The following UGT2B7 variants were observed in gnomAD, a reference collection of about 807,000 sequenced individuals.
The protein encoded by UGT2B7 is UDP-glucuronosyltransferase 2B7.
A neutral mutation model predicts 51.9 loss-of-function variants in UGT2B7; 51 were observed. The observed-to-expected ratio is 0.98, with a 90% CI of 0.78 to 1.24. UGT2B7 has a LOEUF of 1.24. UGT2B7 is among the 50% of genes most tolerant of loss of function. The probability of loss-of-function intolerance (pLI) is 0.00; values close to 1 mark genes in which losing one functional copy is unlikely to be tolerated. For synonymous variants in UGT2B7, 225 were observed against 211.6 expected, an observed-to-expected ratio of 1.06 and a Z score of -0.55; for missense variants, 727 against 628.4, an observed-to-expected ratio of 1.16 and a Z score of -1.68.
intron 1 of UGT2B7, among the ~76,000 whole-genome samples, chr4:69,085,175 G>T (rs1718922963): frequency 6.6e-6 from 1 of 152,152 alleles, no homozygotes; most frequent in South Asian, 2.1e-4. Context: ...ACTGGTGGGA[G>T]ATGGTATCTC....
chr4:69,087,356 C>T (rs1718984338), intron 1 of UGT2B7, among the ~76,000 whole-genome samples: 2 of 151,890 alleles, frequency 1.3e-5, no homozygotes, highest in Non-Finnish European at 2.9e-5. Context: ...CACATATTGA[C>T]TTTTTCATGT....
intron 1 of UGT2B7, among the ~76,000 whole-genome samples, chr4:69,085,449 G>A (rs1718929221): frequency 6.6e-6 from 1 of 152,034 alleles, no homozygotes; most frequent in East Asian, 1.9e-4. Flanking sequence ...ATTTTACTCA[G>A]CAGAAGCTCT....
chr4:69,060,375 G>A (rs1460590095), intron 1 of UGT2B7, among the ~76,000 whole-genome samples: 4 of 152,156 alleles, frequency 2.6e-5, no homozygotes, highest in Non-Finnish European at 5.9e-5. Flanking sequence ...GCAGGGTCCT[G>A]CTGCATCTGG....
chr4:69,094,071 G>A (rs180682704), upstream of UGT2B7, among the ~76,000 whole-genome samples: 1 of 150,172 alleles, frequency 6.7e-6, no homozygotes, highest in Admixed American at 6.6e-5. Flanking sequence ...TTTGGTTCTA[G>A]AATACTAAAA....
intron 1 of UGT2B7, among the ~76,000 whole-genome samples, chr4:69,063,085 C>T (rs1199194679): frequency 6.9e-6 from 1 of 145,930 alleles, no homozygotes; most frequent in Non-Finnish European, 1.5e-5. Flanking sequence ...TTTGGGAGGC[C>T]GAGGCGGGCG....
intron 1 of UGT2B7, among the ~76,000 whole-genome samples, chr4:69,084,413 T>TAAAG (rs1718904357): frequency 3.2e-5 from 4 of 123,848 alleles, no homozygotes; most frequent in Admixed American, 1.8e-4. Flanking sequence ...CATTTACTTC[T>TAAAG]CTTTAATGTT....
chr4:69,096,973 T>C lies in UGT2B7; in HGVS notation c.453T>C (p.Asp151=), dbSNP rs372412977. Residue 151 remains aspartate (D), a synonymous_variant, in exon 1 of 6, where the codon GAT becomes GAC. Transcript: ENST00000305231. ...CAAGATTTGACGTCATTTTTGCAGA[T>C]GCTATTTTTCCCTGTAGTGAGCTGC... ...QESRFDVIFA[D]AIFPCSELLA... The C allele has an allele frequency of 1.9e-5, 30 of 1,613,612 alleles. No homozygotes were observed. The highest frequency in any genetic ancestry group is 3.3e-4 in the Middle Eastern group (2 of 6,084).
intron 4 of UGT2B7, among the ~76,000 whole-genome samples, chr4:69,107,846 A>G (rs1719650533): frequency 6.6e-6 from 1 of 151,820 alleles, no homozygotes; most frequent in Admixed American, 6.6e-5. Flanking sequence ...TTTTTTGCAC[A>G]TTTTTGAAAT....
At chr4:69,064,112 A>AAGAAAGAAAGAAAGAGAAAGAAAGAAAG (rs754723956) in intron 1 of UGT2B7, among the ~76,000 whole-genome samples, 1 of 86,802 alleles carries the variant, frequency 1.2e-5, no homozygotes, top group African/African-American at 6.1e-5. Context: ...GAAAGAAAGA[A>AAGAAAGAAAGAAAGAGAAAGAAAGAAAG]AAAGAAAGAA....
At chr4:69,089,844 A>C (rs1399040787) in intron 2 of UGT2B7, among the ~76,000 whole-genome samples, 1 of 152,210 alleles carries the variant, frequency 6.6e-6, no homozygotes, top group Non-Finnish European at 1.5e-5. Context: ...ATGAAAATAA[A>C]ATATTAAGTT....
At chr4:69,055,045 C>T (rs1220121923) in intron 1 of UGT2B7, among the ~76,000 whole-genome samples, 1 of 144,568 alleles carries the variant, frequency 6.9e-6, no homozygotes, top group Non-Finnish European at 1.5e-5. Context: ...CACTGTAAGC[C>T]TCCCATGATT....
chr4:69,085,447 C>T (rs565639834), intron 1 of UGT2B7, among the ~76,000 whole-genome samples: 1 of 151,862 alleles, frequency 6.6e-6, no homozygotes, highest in Non-Finnish European at 1.5e-5. Flanking sequence ...TTATTTTACT[C>T]AGCAGAAGCT....
chr4:69,054,913 A>G (rs1283726360), intron 1 of UGT2B7, among the ~76,000 whole-genome samples: 31 of 151,998 alleles, frequency 2.0e-4, no homozygotes, highest in Admixed American at 2.0e-3. Flanking sequence ...AGATTGCTAC[A>G]GTCCTATTAT....
At chr4:69,080,843 C>T (rs1407260496) in intron 1 of UGT2B7, among the ~76,000 whole-genome samples, 5 of 152,084 alleles carry the variant, frequency 3.3e-5, no homozygotes, top group South Asian at 2.1e-4. Context: ...TAAATATAAA[C>T]GTGAGCTACT....
intron 1 of UGT2B7, among the ~76,000 whole-genome samples, chr4:69,075,098 A>G (rs1718675405): frequency 6.6e-6 from 1 of 152,106 alleles, no homozygotes; most frequent in Non-Finnish European, 1.5e-5. Flanking sequence ...TTAGGATTTT[A>G]TTGTGTTTTT....
chr4:69,076,078 C>T (rs1279207617), intron 1 of UGT2B7, among the ~76,000 whole-genome samples: 1 of 152,086 alleles, frequency 6.6e-6, no homozygotes, highest in Non-Finnish European at 1.5e-5. Context: ...TGGTTTCCAG[C>T]TTCATCCATG....
chr4:69,080,048 T>C (rs550063496), intron 1 of UGT2B7, among the ~76,000 whole-genome samples: 1 of 99,410 alleles, frequency 1.0e-5, no homozygotes, highest in East Asian at 3.2e-4. Context: ...TATCAATTAC[T>C]ATCAGAAAAT....
intron 1 of UGT2B7, among the ~76,000 whole-genome samples, chr4:69,074,603 T>C (rs1718665356): frequency 6.6e-6 from 1 of 151,952 alleles, no homozygotes; most frequent in Non-Finnish European, 1.5e-5. Context: ...TATTCTCTAA[T>C]GTAAGAGAAT....
chr4:69,089,185 T>A (rs1382468325), intron 1 of UGT2B7, among the ~76,000 whole-genome samples: 1 of 152,178 alleles, frequency 6.6e-6, no homozygotes, highest in South Asian at 2.1e-4. Flanking sequence ...CAAACCATTA[T>A]GATTTTAGAA....
Sources: allele counts gnomAD v4.1 joint callset (sites outside exome capture counted in the v4.1 genomes callset), GRCh38; gene constraint gnomAD v4.1.1; transcripts MANE v1.5; gene names NCBI Gene and HGNC (gene_info 2026-07-23, HGNC 2026-07-21).